SOX6: variants seen among roughly 807,000 people sequenced by gnomAD.
The protein encoded by SOX6 is transcription factor SOX-6.
A neutral mutation model predicts 97.8 loss-of-function variants in SOX6; 11 were observed. The ratio of observed to expected loss-of-function variants is 0.11; its 90% CI spans 0.07 to 0.19. The LOEUF is 0.19. SOX6 is among the 10% of genes least tolerant of loss of function. The probability of loss-of-function intolerance (pLI) is 1.00; values close to 1 mark genes in which losing one functional copy is unlikely to be tolerated. For synonymous variants in SOX6, 360 were observed against 371.4 expected (o/e 0.97, Z 0.35); for missense variants, 810 against 1,039.5 (o/e 0.78, Z 3.04).
intron 13 of SOX6, among the ~76,000 whole-genome samples, chr11:15,991,038 G>A (rs1854034054): frequency 6.6e-6 from 1 of 152,094 alleles, no homozygotes; most frequent in South Asian, 2.1e-4. Context: ...GGTGGGATTG[G>A]CTAACATGAA....
At chr11:16,651,359 G>T (rs528040739) in intron 3 of SOX6, among the ~76,000 whole-genome samples, 1 of 151,984 alleles carries the variant, frequency 6.6e-6, no homozygotes, top group Non-Finnish European at 1.5e-5. Flanking sequence ...GATGAACATA[G>T]ATGCAAAAAT....
chr11:16,320,423 C>G (rs1855882741), intron 2 of SOX6, among the ~76,000 whole-genome samples: 1 of 152,044 alleles, frequency 6.6e-6, no homozygotes, highest in African/African-American at 2.4e-5. Flanking sequence ...AATAATTGTA[C>G]TCAACAAATG....
At chr11:16,568,536 G>A (rs1187710510) in intron 4 of SOX6, among the ~76,000 whole-genome samples, 1 of 152,062 alleles carries the variant, frequency 6.6e-6, no homozygotes, top group Non-Finnish European at 1.5e-5. Flanking sequence ...CACTGTGAAT[G>A]TACTAAATGC....
intron 3 of SOX6, among the ~76,000 whole-genome samples, chr11:16,261,237 G>C (rs897850150): frequency 1.3e-4 from 20 of 152,060 alleles, no homozygotes; most frequent in Non-Finnish European, 8.8e-5. Context: ...ACAGCCATTG[G>C]CATATGGTAG....
chr11:16,306,070 A>G (rs1471510346), intron 3 of SOX6, among the ~76,000 whole-genome samples: 1 of 152,182 alleles, frequency 6.6e-6, no homozygotes, highest in South Asian at 2.1e-4. Flanking sequence ...ACAAAAATAT[A>G]TAGAACTTAA....
At chr11:16,000,721 T>C (rs923555915) in intron 13 of SOX6, among the ~76,000 whole-genome samples, 1 of 152,004 alleles carries the variant, frequency 6.6e-6, no homozygotes, top group Non-Finnish European at 1.5e-5. Flanking sequence ...TGACAGTGTG[T>C]GTGTGTGTGC....
At chr11:16,682,337 AAAT>A in intron 3 of SOX6, among the ~76,000 whole-genome samples, 1 of 152,328 alleles carries the variant, frequency 6.6e-6, no homozygotes, top group Non-Finnish European at 1.5e-5. Context: ...GTAAAAATAA[AAAT>A]AAATACTGGC....
intron 3 of SOX6, among the ~76,000 whole-genome samples, chr11:16,287,526 G>C (rs889448607): frequency 4.6e-5 from 7 of 151,836 alleles, no homozygotes; most frequent in African/African-American, 1.7e-4. Context: ...AAACATAGAA[G>C]AATAGAAAAA....
At chr11:16,565,994 G>T (rs1207813108) in intron 4 of SOX6, among the ~76,000 whole-genome samples, 1 of 151,844 alleles carries the variant, frequency 6.6e-6, no homozygotes, top group Admixed American at 6.6e-5. Context: ...TACTCGAGAG[G>T]CTGAGGCAGG....
intron 13 of SOX6, among the ~76,000 whole-genome samples, chr11:15,994,059 C>A (rs1017442211): frequency 9.2e-5 from 14 of 151,856 alleles, no homozygotes; most frequent in Non-Finnish European, 2.1e-4. Flanking sequence ...TCATATGTAC[C>A]CAGCATTGTG....
chr11:16,674,701 A>T (rs543487592), intron 3 of SOX6, among the ~76,000 whole-genome samples: 7 of 152,286 alleles, frequency 4.6e-5, no homozygotes, highest in African/African-American at 1.7e-4. Context: ...ATGTAATCCC[A>T]GCACTTTGGG....
Position 16,132,386 on chromosome 11 carries a change from GAAAGAAAGAAAGAA to G in SOX6, c.778-20477_778-20464del, listed in dbSNP as rs1849799982. Among the ~76,000 whole-genome samples, 3 of 79,482 alleles carry G rather than the reference GAAAGAAAGAAAGAA, an allele frequency of 3.8e-5. 1 individual carries two copies. The highest frequency in any genetic ancestry group is 5.7e-5 in the African/African-American group (1 of 17,526). 52.1% of individuals were successfully genotyped at this position (79,482 alleles called of 152,430 possible). A position where few individuals can be genotyped will look rare whatever the true frequency, so the allele number is the denominator to read the frequency against. ...AGAAAGAAAGAAAGAAAGAAAGAAA[GAAAGAAAGAAAGAA>G]AAAAGAAAGAAAGAAAGAAAGAAAG... On this transcript the variant is annotated intron_variant, in intron 6 of 15. Transcript: ENST00000683767.
intron 5 of SOX6, among the ~76,000 whole-genome samples, chr11:16,184,650 C>T (rs1177462806): frequency 6.6e-6 from 1 of 152,114 alleles, no homozygotes; most frequent in Non-Finnish European, 1.5e-5. Context: ...CATCTAAACA[C>T]ATTATCTGGT....
chr11:16,294,197 C>T (rs1854999851), intron 3 of SOX6, among the ~76,000 whole-genome samples: 1 of 151,728 alleles, frequency 6.6e-6, no homozygotes, highest in Admixed American at 6.6e-5. Flanking sequence ...CTCAATGGAC[C>T]CTTCAAATGA....
At chr11:16,575,236 T>C (rs777311248) in intron 4 of SOX6, among the ~76,000 whole-genome samples, 4 of 152,152 alleles carry the variant, frequency 2.6e-5, no homozygotes, top group Non-Finnish European at 5.9e-5. Context: ...AAATTAAAAG[T>C]CTGACAACAT....
rs1848380649 is a variant in SOX6, at chr11:16,610,262, A to C, written n.609+1819T>G. ...GCAGAGAGGAGACAGGTGTAGATTA[A>C]GTCTCAAAGACCAAGTCCTCAGGGA... On this transcript the variant is annotated intron_variant and non_coding_transcript_variant, in intron 4 of 5. Coordinates refer to the SOX6 transcript ENST00000524520. This position sits in a 1 kb window ranked among gnomAD's most constrained non-coding sequence, Gnocchi z 4.4. Among the ~76,000 whole-genome samples the C allele has an allele frequency of 6.6e-6, 1 of 151,918 alleles. No homozygotes were observed. Among genetic ancestry groups the C allele is most frequent in the South Asian group, 2.1e-4 (1 of 4,812 alleles).
At chr11:16,330,835 A>T (rs1435938169) in intron 2 of SOX6, among the ~76,000 whole-genome samples, 1 of 152,172 alleles carries the variant, frequency 6.6e-6, no homozygotes, top group Non-Finnish European at 1.5e-5. Context: ...GACTTCCCTA[A>T]GGTCACACAG....
At chr11:16,733,342 G>A (rs1008662957) in intron 2 of SOX6, among the ~76,000 whole-genome samples, 2 of 152,146 alleles carry the variant, frequency 1.3e-5, no homozygotes, top group Non-Finnish European at 2.9e-5. Flanking sequence ...ACCCATCAAT[G>A]ATAGACTGGA....
intron 6 of SOX6, among the ~76,000 whole-genome samples, chr11:16,161,285 CTG>C (rs1275005973): frequency 1.3e-5 from 2 of 150,930 alleles, no homozygotes; most frequent in Non-Finnish European, 2.9e-5. Context: ...TGTGTGAGGA[CTG>C]TAACACTTAA....
Sources: gnomAD v4.1 joint callset for allele counts (sites outside exome capture counted in the v4.1 genomes callset) on GRCh38, gnomAD v4.1.1 for gene constraint, Gnocchi (gnomAD v3.1) non-coding constraint, MANE v1.5 for transcripts, NCBI Gene and HGNC (gene_info 2026-07-23, HGNC 2026-07-21) for gene names.